The following NKIRAS1 variants were observed in gnomAD, a reference collection of about 807,000 sequenced individuals.
NKIRAS1 encodes the protein NFKB inhibitor interacting Ras like 1.
Under a neutral mutation model 19.8 loss-of-function variants are expected in NKIRAS1, and 16 were observed. The ratio of observed to expected loss-of-function variants is 0.81; its 90% CI spans 0.55 to 1.23. The LOEUF is 1.23. Among genes scored for constraint, NKIRAS1 ranks in the 50% most tolerant of loss-of-function variants. The probability of loss-of-function intolerance (pLI) is 0.00; values close to 1 mark genes in which losing one functional copy is unlikely to be tolerated. For synonymous variants in NKIRAS1, 88 were observed against 79.0 expected (o/e 1.11, Z -0.61); for missense variants, 184 against 220.0 (o/e 0.84, Z 1.04).
chr3:23,912,137 G>A (rs1286335388), intron 1 of NKIRAS1, among the ~76,000 whole-genome samples: 2 of 152,072 alleles, frequency 1.3e-5, no homozygotes, highest in African/African-American at 2.4e-5. Context: ...CCCATGCACA[G>A]GACTTCATGA....
chr3:23,893,041 C>G lies in NKIRAS1; in HGVS notation c.*54G>C. 6.7e-7 allele frequency: 1 copy of G among 1,483,310 alleles called. No individual in the cohort carries two copies. The highest frequency in any genetic ancestry group is 2.4e-5 in the East Asian group (1 of 42,478). 91.9% of individuals were successfully genotyped at this position (1,483,310 alleles called of 1,614,324 possible). Reference sequence around the variant, plus strand: ...AAATAGTAATATTACTCCATGTTCACAGACACTTAAAGGCAATCACTATTC... The same window carrying G: ...AAATAGTAATATTACTCCATGTTCAGAGACACTTAAAGGCAATCACTATTC... On this transcript the variant is annotated 3_prime_UTR_variant, in exon 5 of 5. Transcript: ENST00000425478.
intron 1 of NKIRAS1, among the ~76,000 whole-genome samples, chr3:23,931,493 C>G: frequency 6.6e-6 from 1 of 152,286 alleles, no homozygotes; most frequent in East Asian, 1.9e-4. Context: ...TTAAACATTC[C>G]TCGTCCTTGC....
chr3:23,918,253 AGT>A (rs1704792567), upstream of NKIRAS1: 3 of 897,258 alleles, frequency 3.3e-6, no homozygotes, highest in East Asian at 2.7e-5. Context: ...CAAAATAAAC[AGT>A]GTGCCTCCCT....
intron 1 of NKIRAS1, among the ~76,000 whole-genome samples, chr3:23,941,475 A>G (rs767056032): frequency 2.6e-5 from 4 of 152,252 alleles, no homozygotes; most frequent in African/African-American, 4.8e-5. Flanking sequence ...CAGTCACTTC[A>G]TTCAACAGTT....
At chr3:23,946,232 C>T (rs1425414951) in intron 1 of NKIRAS1, 1 of 985,438 alleles carries the variant, frequency 1.0e-6, no homozygotes, top group South Asian at 4.7e-5. Context: ...GTGCACCGGA[C>T]GCCGCACGCT....
chr3:23,923,664 A>C (rs964420475), intron 1 of NKIRAS1: 2 of 152,238 alleles, frequency 1.3e-5, no homozygotes, highest in African/African-American at 4.8e-5. Flanking sequence ...ATACATCTTT[A>C]TTCATCTGTA....
Position 23,945,679 on chromosome 3 carries a change from G to T in NKIRAS1, c.-140+644C>A, listed in dbSNP as rs1461343431. On this transcript the variant is annotated intron_variant, in intron 1 of 4. Transcript: ENST00000421515. ...GCACTTTGGGGGGCGGCGGCAGGGG[G>T]TGTCCCCATGGCCGGTGGGGCGGGG... 58 of 874,128 alleles carry T rather than the reference G, an allele frequency of 6.6e-5. No homozygotes were observed. The African/African-American group carries it at 6.6e-4, about 10-fold the overall frequency. 54.1% of individuals were successfully genotyped at this position (874,128 alleles called of 1,614,324 possible). A position where few individuals can be genotyped will look rare whatever the true frequency, so the allele number is the denominator to read the frequency against.
intron 3 of NKIRAS1, among the ~76,000 whole-genome samples, chr3:23,901,375 G>C (rs930587336): frequency 1.3e-5 from 2 of 151,944 alleles, no homozygotes; most frequent in Non-Finnish European, 2.9e-5. Context: ...TGTAGAGACA[G>C]GGTTTCACCA....
intron 3 of NKIRAS1, among the ~76,000 whole-genome samples, chr3:23,905,299 C>T (rs137906391): frequency 2.5e-3 from 381 of 152,288 alleles, no homozygotes; most frequent in African/African-American, 9.0e-3. Context: ...GAATGAGTTG[C>T]AACTGGACAG....
At chr3:23,907,096 G>C (rs1181869844) in intron 3 of NKIRAS1, among the ~76,000 whole-genome samples, 2 of 152,150 alleles carry the variant, frequency 1.3e-5, no homozygotes, top group African/African-American at 4.8e-5. Flanking sequence ...GTTTCGCCAT[G>C]TTGGCCATGC....
At chr3:23,917,772 G>A, upstream of NKIRAS1, 2 of 1,399,934 alleles carry the variant, frequency 1.4e-6, no homozygotes, top group South Asian at 1.4e-5. Context: ...GTTTTTGTTG[G>A]GGAACTAAGA....
intron 1 of NKIRAS1, chr3:23,945,512 G>GGCA: frequency 1.1e-6 from 1 of 913,050 alleles, no homozygotes. Context: ...GCGGCGCTGA[G>GGCA]GCGGCGGCGG....
At chr3:23,911,919 T>C (rs1257531047) in intron 1 of NKIRAS1, among the ~76,000 whole-genome samples, 2 of 152,032 alleles carry the variant, frequency 1.3e-5, no homozygotes, top group Non-Finnish European at 2.9e-5. Context: ...CCTGCCACCA[T>C]GCCCGGTGAA....
intron 3 of NKIRAS1, 102 bp from the exon 4 acceptor site, chr3:23,901,151 C>T (rs1053804951): frequency 4.2e-6 from 5 of 1,191,698 alleles, no homozygotes; most frequent in Non-Finnish European, 5.9e-6. Flanking sequence ...TCTTATTTAC[C>T]ACATATAATA....
At chr3:23,935,928 T>A (rs7643700) in intron 1 of NKIRAS1, among the ~76,000 whole-genome samples, 97,325 of 151,354 alleles carry the variant, frequency 0.64, 31,498 homozygotes, top group Middle Eastern at 0.75. Context: ...AATAATTTTT[T>A]AAAAATTAGC....
chr3:23,920,269 G>A (rs1314030609), upstream of NKIRAS1: 37 of 985,582 alleles, frequency 3.8e-5, no homozygotes, highest in Non-Finnish European at 4.5e-5. Flanking sequence ...CACATTAGGG[G>A]GAAAGTAGTT....
intron 1 of NKIRAS1, among the ~76,000 whole-genome samples, chr3:23,934,391 G>A (rs1018317272): frequency 4.6e-5 from 7 of 152,172 alleles, no homozygotes; most frequent in South Asian, 2.1e-4. Flanking sequence ...AGCTGTGGGC[G>A]ATGCTGTCAT....
At chr3:23,945,498 CGGCGCGGCGCTGA>C (rs1705631325) in intron 1 of NKIRAS1, 3 of 884,660 alleles carry the variant, frequency 3.4e-6, no homozygotes, top group Non-Finnish European at 2.8e-6. Context: ...CAGCCCGGGG[CGGCGCGGCGCTGA>C]GGCGGCGGCG....
At chr3:23,928,615 C>A (rs995266396) in intron 1 of NKIRAS1, among the ~76,000 whole-genome samples, 24 of 148,316 alleles carry the variant, frequency 1.6e-4, no homozygotes, top group Non-Finnish European at 3.0e-5. Context: ...TACTGAAGTG[C>A]TTTTAGGAGA....
Sources: gnomAD v4.1 joint callset for allele counts (sites outside exome capture counted in the v4.1 genomes callset) on GRCh38, gnomAD v4.1.1 for gene constraint, MANE v1.5 for transcripts, NCBI Gene and HGNC (gene_info 2026-07-23, HGNC 2026-07-21) for gene names.